Variants in MSTO1 observed in about 807,000 individuals in gnomAD.
The protein encoded by MSTO1 is protein misato homolog 1.
Under a neutral mutation model 55.7 loss-of-function variants are expected in MSTO1, and 24 were observed. The observed-to-expected ratio is 0.43, with a 90% CI of 0.31 to 0.61. The LOEUF is 0.61. MSTO1 is among the 20% of genes least tolerant of loss of function. The pLI is 0.09. For synonymous variants in MSTO1, 162 were observed against 252.8 expected (o/e 0.64, Z 3.41); for missense variants, 363 against 625.7 (o/e 0.58, Z 4.48).
At chr1:155,578,507 C>CT in the MSTO1 span, among the ~76,000 whole-genome samples, 1,608 of 99,490 alleles carry the variant, frequency 0.016, 36 homozygotes, top group Middle Eastern at 0.024. Context: ...CCCGGCTAAT[C>CT]TTTTTTTTTT....
chr1:155,606,823 G>T (rs1020437429), upstream of MSTO1, among the ~76,000 whole-genome samples: 18 of 151,122 alleles, frequency 1.2e-4, no homozygotes, highest in African/African-American at 4.4e-4. Context: ...AGCCGGCCCA[G>T]ATCCAATATT....
chr1:155,609,450 G>C (rs202238434), upstream of MSTO1, among the ~76,000 whole-genome samples: 8 of 150,428 alleles, frequency 5.3e-5, no homozygotes, highest in Admixed American at 4.0e-4. Context: ...GGGTTTCACC[G>C]TGTTAGCCAG....
intron 8 of MSTO1, 36 bp downstream of exon 8, chr1:155,612,352 T>C (rs967297212): frequency 6.3e-7 from 1 of 1,579,528 alleles, no homozygotes; most frequent in South Asian, 1.2e-5. Context: ...AGTCACACAG[T>C]GGGGAGGGAG....
the MSTO1 span, among the ~76,000 whole-genome samples, chr1:155,581,410 T>C: frequency 6.6e-6 from 1 of 152,092 alleles, no homozygotes; most frequent in Admixed American, 6.6e-5. Context: ...TATTTTATTA[T>C]TATTATTATT....
the MSTO1 span, among the ~76,000 whole-genome samples, chr1:155,599,371 T>C: frequency 6.6e-6 from 1 of 152,170 alleles, no homozygotes; most frequent in Non-Finnish European, 1.5e-5. Context: ...TTAATACCCA[T>C]GAGCATAAAC....
chr1:155,572,744 G>T, the MSTO1 span, among the ~76,000 whole-genome samples: 3 of 151,966 alleles, frequency 2.0e-5, no homozygotes, highest in Non-Finnish European at 4.4e-5. Context: ...TCCGCCTCCT[G>T]GGTTCAAGCG....
At chr1:155,590,108 G>T in the MSTO1 span, among the ~76,000 whole-genome samples, 1 of 152,088 alleles carries the variant, frequency 6.6e-6, no homozygotes, top group African/African-American at 2.4e-5. Context: ...CAGGACGGAG[G>T]AGCCAGAGGT....
Position 155,614,873 on chromosome 1 carries a change from A to G in MSTO1, c.*600A>G. 2 of 1,562,570 alleles carry G rather than the reference A, an allele frequency of 1.3e-6. No individual in the cohort carries two copies. The highest frequency in any genetic ancestry group is 8.7e-7 in the Non-Finnish European group (1 of 1,150,262). ...AGTTCTCGAAAATGGTGGGAAACCT[A>G]AGAAAGGAGGAGGGCTGTATTCACT... On this transcript the variant is annotated 3_prime_UTR_variant, in exon 14 of 14. Transcript: ENST00000245564.
the MSTO1 span, among the ~76,000 whole-genome samples, chr1:155,585,064 GT>G: frequency 3.3e-5 from 5 of 152,234 alleles, no homozygotes; most frequent in Middle Eastern, 3.4e-3. Context: ...TCCAGCCTAT[GT>G]GATTCTCTTG....
chr1:155,601,071 G>A, the MSTO1 span, among the ~76,000 whole-genome samples: 2 of 148,120 alleles, frequency 1.4e-5, no homozygotes, highest in Admixed American at 6.9e-5. Flanking sequence ...CGCCCACCTC[G>A]GCCTCCCAAA....
At chr1:155,613,360 G>A (rs1450231480) in intron 11 of MSTO1, 102 bp from the exon 12 acceptor site, 2 of 1,577,066 alleles carry the variant, frequency 1.3e-6, no homozygotes, top group South Asian at 1.2e-5. Flanking sequence ...AAAAAAAAGG[G>A]CTTTGAATAT....
At chr1:155,599,488 A>T in the MSTO1 span, among the ~76,000 whole-genome samples, 1 of 152,098 alleles carries the variant, frequency 6.6e-6, no homozygotes, top group Non-Finnish European at 1.5e-5. Flanking sequence ...AGCATTCTAG[A>T]GTCATCAGTA....
the MSTO1 span, among the ~76,000 whole-genome samples, chr1:155,567,178 C>T: frequency 1.3e-5 from 2 of 151,736 alleles, no homozygotes; most frequent in African/African-American, 4.8e-5. Context: ...GGTTGCAGAG[C>T]AGTGGAGCAA....
the MSTO1 span, among the ~76,000 whole-genome samples, chr1:155,584,011 TG>T: frequency 6.6e-6 from 1 of 152,132 alleles, no homozygotes; most frequent in Non-Finnish European, 1.5e-5. Flanking sequence ...CTGTGTAGTG[TG>T]GGCGTGTGGA....
chr1:155,574,454 A>G, the MSTO1 span, among the ~76,000 whole-genome samples: 27 of 152,318 alleles, frequency 1.8e-4, no homozygotes, highest in African/African-American at 6.5e-4. Context: ...TAACTGTCCT[A>G]TAGTTGTATA....
the MSTO1 span, among the ~76,000 whole-genome samples, chr1:155,575,350 A>G: frequency 6.6e-6 from 1 of 152,142 alleles, no homozygotes; most frequent in Non-Finnish European, 1.5e-5. Flanking sequence ...TGCATTTTCT[A>G]GATGACTAAT....
In MSTO1 at chr1:155,613,114, G is replaced by A. The variant is rs1487959185; in HGVS notation, c.1164G>A (p.Leu388=). 1.2e-6 allele frequency: 2 copies of A among 1,613,812 alleles called. No individual in the cohort carries two copies. Among genetic ancestry groups the A allele is most frequent in the South Asian group, 2.2e-5 (2 of 91,050 alleles). The part of the protein sequence containing the change: ...LAPGQSLPDS[L]MQFGGATPWT... Reference sequence around the variant, plus strand: ...CAGGCCAGTCCCTTCCTGATTCCCTGATGCAGTTTGGAGGAGCCACCCCAT... The same window carrying A: ...CAGGCCAGTCCCTTCCTGATTCCCTAATGCAGTTTGGAGGAGCCACCCCAT... The change falls in exon 11 of 14, where the codon CTG becomes CTA. Residue 388 remains leucine, a synonymous_variant. Transcript: ENST00000245564.
the MSTO1 span, among the ~76,000 whole-genome samples, chr1:155,583,777 G>T: frequency 1.3e-5 from 2 of 152,148 alleles, no homozygotes; most frequent in Non-Finnish European, 2.9e-5. Flanking sequence ...TCTGGACCAT[G>T]TCACACACTC....
chr1:155,568,084 A>ATTTAT, the MSTO1 span, among the ~76,000 whole-genome samples: 301 of 148,796 alleles, frequency 2.0e-3, 2 homozygotes, highest in African/African-American at 7.3e-3. Flanking sequence ...ATTTTATTTT[A>ATTTAT]TTTTATTTTT....
Sources: gnomAD v4.1 joint callset for allele counts (sites outside exome capture counted in the v4.1 genomes callset) on GRCh38, gnomAD v4.1.1 for gene constraint, MANE v1.5 for transcripts, NCBI Gene and HGNC (gene_info 2026-07-23, HGNC 2026-07-21) for gene names.